Variants in TENM4 observed in about 807,000 individuals in gnomAD.
TENM4 encodes the protein teneurin transmembrane protein 4.
A neutral mutation model predicts 243.3 loss-of-function variants in TENM4; 82 were observed. The ratio of observed to expected loss-of-function variants is 0.34; its 90% CI spans 0.28 to 0.40. The LOEUF is 0.40. Ranked by LOEUF, TENM4 falls within the 10% of genes least tolerant of loss-of-function variation. The probability of loss-of-function intolerance (pLI) is 1.00; values close to 1 mark genes in which losing one functional copy is unlikely to be tolerated. For synonymous variants in TENM4, 1,412 were observed against 1,456.3 expected (o/e 0.97, Z 0.69); for missense variants, 3,138 against 3,673.3 (o/e 0.85, Z 3.77).
rs1858935370 is a variant in TENM4, at chr11:78,695,386, C to CA, written c.5087+6139dup. On this transcript the variant is annotated intron_variant, in intron 28 of 33. Coordinates refer to ENST00000278550, the MANE Select transcript of TENM4 (RefSeq NM_001098816.3). The stretch of plus-strand genomic sequence containing the variant: ...ATTTTTTTTGTTTGTTTTTGTGAGA[C>CA]AGAGTTTCACTCTTGCTGCCCAGGC... 2.0e-5 allele frequency among the ~76,000 whole-genome samples: 3 copies of CA among 150,412 alleles called. No individual in the cohort carries two copies. The South Asian group carries it at 6.4e-4, about 32-fold the overall frequency.
At chr11:79,416,867 C>T (rs1308002562) in intron 1 of TENM4, among the ~76,000 whole-genome samples, 1 of 139,896 alleles carries the variant, frequency 7.1e-6, no homozygotes, top group African/African-American at 2.8e-5. Flanking sequence ...GGTACATAAC[C>T]AGACAATGGC....
Position 78,687,482 on chromosome 11 carries a change from G to A in TENM4, c.5260+572C>T, listed in dbSNP as rs556881575. Among the ~76,000 whole-genome samples, 4 of 152,150 alleles carry A rather than the reference G, an allele frequency of 2.6e-5. No homozygotes were observed. The South Asian group carries it at 8.3e-4, about 32-fold the overall frequency. On this transcript the variant is annotated intron_variant, in intron 29 of 33. Transcript: ENST00000278550. ...TCCCACAAAGCTGCAAGCCCACCTG[G>A]GTCACCACATCCCATGAGAACAATT...
At chr11:78,883,880 C>G (rs1490169339) in intron 9 of TENM4, among the ~76,000 whole-genome samples, 2 of 152,180 alleles carry the variant, frequency 1.3e-5, no homozygotes, top group Non-Finnish European at 2.9e-5. Flanking sequence ...TCTGACAGGT[C>G]CCCCTGGTTG....
At chr11:79,037,063 A>C (rs1859406718) in intron 6 of TENM4, among the ~76,000 whole-genome samples, 1 of 151,376 alleles carries the variant, frequency 6.6e-6, no homozygotes, top group African/African-American at 2.4e-5. Flanking sequence ...AAGAAAATAC[A>C]CTCAAGATGT....
chr11:79,408,829 T>C (rs910384821), intron 1 of TENM4, among the ~76,000 whole-genome samples: 3 of 152,170 alleles, frequency 2.0e-5, no homozygotes, highest in African/African-American at 7.2e-5. Flanking sequence ...GGCAGCTCTT[T>C]TCCCAGCACC....
chr11:79,157,477 C>T (rs1862647070), intron 3 of TENM4, among the ~76,000 whole-genome samples: 1 of 152,196 alleles, frequency 6.6e-6, no homozygotes, highest in Admixed American at 6.5e-5. Flanking sequence ...TACAGCATGC[C>T]TGGCTCTGTG....
intron 6 of TENM4, among the ~76,000 whole-genome samples, chr11:78,978,375 G>T (rs1857714604): frequency 6.6e-6 from 1 of 151,616 alleles, no homozygotes; most frequent in African/African-American, 2.4e-5. Context: ...GAAAAGAAAA[G>T]AAAAGAAAAG....
chr11:79,172,071 C>T (rs1863057315), intron 3 of TENM4, among the ~76,000 whole-genome samples: 1 of 152,178 alleles, frequency 6.6e-6, no homozygotes. Context: ...TTCACCTCAG[C>T]TTTCTGAGTA....
At chr11:78,797,478 T>C (rs1366761849) in intron 15 of TENM4, among the ~76,000 whole-genome samples, 1 of 152,250 alleles carries the variant, frequency 6.6e-6, no homozygotes, top group Non-Finnish European at 1.5e-5. Context: ...GGCTTATATT[T>C]GCATACTGAA....
At chr11:78,749,504 G>A (rs56138839) in intron 19 of TENM4, among the ~76,000 whole-genome samples, 1 of 152,056 alleles carries the variant, frequency 6.6e-6, no homozygotes, top group Non-Finnish European at 1.5e-5. Flanking sequence ...GATCTCTGCT[G>A]CTCGCCCTCT....
chr11:79,405,847 CAAAAAA>C (rs763128589), intron 1 of TENM4, among the ~76,000 whole-genome samples: 1 of 69,266 alleles, frequency 1.4e-5, no homozygotes, highest in African/African-American at 5.1e-5. Context: ...ATTGTGATTT[CAAAAAA>C]AAAAAAAAAA....
In TENM4 at chr11:78,862,942, G is replaced by T; in HGVS notation, c.1255+20C>A. 7.1e-7 allele frequency: 1 copy of T among 1,413,230 alleles called. No individual in the cohort carries two copies. Among genetic ancestry groups the T allele is most frequent in the Non-Finnish European group, 9.4e-7 (1 of 1,063,632 alleles). The allele number at this position is 1,413,230 out of a possible 1,614,324, so 87.5% of individuals were successfully genotyped here. A position where few individuals can be genotyped will look rare whatever the true frequency, so the allele number is the denominator to read the frequency against. On this transcript the variant is annotated intron_variant, in intron 10 of 33. Coordinates refer to ENST00000278550, the MANE Select transcript of TENM4 (RefSeq NM_001098816.3). ...GGCAGACACAGAGGACTCACAACAC[G>T]GACAACGCAGCAACCCTACCTTCTG...
At chr11:79,257,947 C>T (rs1265740030) in intron 2 of TENM4, among the ~76,000 whole-genome samples, 1 of 152,210 alleles carries the variant, frequency 6.6e-6, no homozygotes, top group African/African-American at 2.4e-5. Flanking sequence ...TGAAAACAGC[C>T]TGCAGAATGA....
At chr11:78,725,151 A>G (rs1855484015) in intron 23 of TENM4, among the ~76,000 whole-genome samples, 1 of 152,242 alleles carries the variant, frequency 6.6e-6, no homozygotes, top group South Asian at 2.1e-4. Flanking sequence ...TTCCTGTGCC[A>G]GCACCACACA....
chr11:79,352,139 G>T (rs1333950066), intron 1 of TENM4, among the ~76,000 whole-genome samples: 1 of 152,222 alleles, frequency 6.6e-6, no homozygotes, highest in Non-Finnish European at 1.5e-5. Context: ...GAATTCTGGA[G>T]TCTTGTTCCT....
intron 20 of TENM4, among the ~76,000 whole-genome samples, chr11:78,736,477 T>TGTGTGTGTGTGTGTGTGCGC (rs1328804792): frequency 3.4e-4 from 35 of 102,124 alleles, no homozygotes; most frequent in African/African-American, 1.2e-3. Context: ...TGTGTGTGTG[T>TGTGTGTGTGTGTGTGTGCGC]GTGCGCGCGC....
intron 12 of TENM4, among the ~76,000 whole-genome samples, chr11:78,833,090 C>T (rs1398342942): frequency 6.6e-6 from 1 of 152,186 alleles, no homozygotes; most frequent in African/African-American, 2.4e-5. Context: ...AATGCACATT[C>T]TTCAATGTCC....
chr11:78,937,553 T>C (rs1856811612), intron 6 of TENM4, among the ~76,000 whole-genome samples: 1 of 152,212 alleles, frequency 6.6e-6, no homozygotes, highest in Non-Finnish European at 1.5e-5. Flanking sequence ...ATAGCTCCTA[T>C]TAACAACCTG....
rs1351392891 is a variant in TENM4, at chr11:79,219,445, G to A, written c.-264-3536C>T. ...GCCTTGCACAATATGAATTGGAAGT[G>A]GAGTTGCCTGGGGGCAGGGAGCTCC... On this transcript the variant is annotated intron_variant, in intron 2 of 33. Coordinates refer to ENST00000278550, the MANE Select transcript of TENM4 (RefSeq NM_001098816.3). Among the ~76,000 whole-genome samples the A allele has an allele frequency of 2.0e-5, 3 of 152,224 alleles. No homozygotes were observed. The East Asian group carries it at 5.8e-4, about 29-fold the overall frequency.
Sources: allele counts gnomAD v4.1 joint callset (sites outside exome capture counted in the v4.1 genomes callset), GRCh38; gene constraint gnomAD v4.1.1; transcripts MANE v1.5; gene names NCBI Gene and HGNC (gene_info 2026-07-23, HGNC 2026-07-21).